HS3ST4: variants seen among roughly 807,000 people sequenced by gnomAD.
HS3ST4 encodes the protein heparan sulfate-glucosamine 3-sulfotransferase 4.
In HS3ST4, 17 loss-of-function variants were observed where a neutral mutation model predicts 29.2. The observed-to-expected ratio is 0.58, with a 90% CI of 0.40 to 0.87. The LOEUF is 0.87. Among genes scored for constraint, HS3ST4 ranks in the 40% least tolerant of loss-of-function variants. The pLI, the probability that HS3ST4 is intolerant of heterozygous loss-of-function variation, is 0.00. For missense variants in HS3ST4, 627 were observed against 634.5 expected, an observed-to-expected ratio of 0.99 and a Z score of 0.13; for synonymous variants, 314 against 285.7, an observed-to-expected ratio of 1.10 and a Z score of -1.00.
At chr16:25,846,046 A>T (rs1226142938) in intron 1 of HS3ST4, among the ~76,000 whole-genome samples, 1 of 152,206 alleles carries the variant, frequency 6.6e-6, no homozygotes, top group Non-Finnish European at 1.5e-5. Flanking sequence ...TTTCTTCCAC[A>T]ATGAGAAGCC....
chr16:26,097,179 G>A (rs181538279), intron 1 of HS3ST4, among the ~76,000 whole-genome samples: 87 of 152,236 alleles, frequency 5.7e-4, no homozygotes, highest in African/African-American at 2.0e-3. Flanking sequence ...TATAGATTCA[G>A]TGCCATCCCC....
At chr16:25,983,500 G>A (rs1969030021) in intron 1 of HS3ST4, among the ~76,000 whole-genome samples, 1 of 152,088 alleles carries the variant, frequency 6.6e-6, no homozygotes, top group Non-Finnish European at 1.5e-5. Flanking sequence ...TCCTTTTGTA[G>A]CAACCCCATC....
At chr16:25,862,613 T>G (rs1352792563) in intron 1 of HS3ST4, among the ~76,000 whole-genome samples, 1 of 152,252 alleles carries the variant, frequency 6.6e-6, no homozygotes. Flanking sequence ...AAACAGTTAT[T>G]GGTCCCTGGC....
At chr16:25,762,876 C>A (rs1444315616) in intron 1 of HS3ST4, among the ~76,000 whole-genome samples, 89 of 60,452 alleles carry the variant, frequency 1.5e-3, no homozygotes, top group South Asian at 3.6e-3. Context: ...GACCCTGTCT[C>A]AAAAAAAAAA....
In HS3ST4 at chr16:25,744,753, A is replaced by G. The variant is rs146862916; in HGVS notation, c.734+51602A>G. On this transcript the variant is annotated intron_variant, in intron 1 of 1. Coordinates refer to ENST00000331351, the MANE Select transcript of HS3ST4 (RefSeq NM_006040.3). The stretch of plus-strand genomic sequence containing the variant: ...AGGTCTTTCCCATACTGTTCTTGTG[A>G]TAGTGAATAAGTCTCATGAGATCTG... Among the ~76,000 whole-genome samples the G allele has an allele frequency of 5.1e-4, 77 of 152,272 alleles. 1 individual carries two copies. The East Asian group carries it at 0.012, about 24-fold the overall frequency.
intron 1 of HS3ST4, among the ~76,000 whole-genome samples, chr16:25,873,488 A>T (rs151139613): frequency 9.5e-6 from 1 of 104,950 alleles, no homozygotes; most frequent in Non-Finnish European, 2.0e-5. Flanking sequence ...CTCTCTATCT[A>T]TCTATCTATC....
chr16:25,789,473 T>C (rs1259832917), intron 1 of HS3ST4, among the ~76,000 whole-genome samples: 1 of 147,470 alleles, frequency 6.8e-6, no homozygotes, highest in African/African-American at 2.6e-5. Flanking sequence ...CTTCCTTCTT[T>C]CTTTCTTTCT....
chr16:26,040,046 A>G (rs1416616278), intron 1 of HS3ST4, among the ~76,000 whole-genome samples: 1 of 152,186 alleles, frequency 6.6e-6, no homozygotes, highest in African/African-American at 2.4e-5. Context: ...TAATCTACCA[A>G]TTTGCCCTCT....
intron 1 of HS3ST4, among the ~76,000 whole-genome samples, chr16:25,765,318 A>G (rs372993978): frequency 2.0e-5 from 3 of 152,018 alleles, no homozygotes; most frequent in Non-Finnish European, 4.4e-5. Context: ...AAATGCGGAG[A>G]CGCCGCTGGG....
intron 1 of HS3ST4, among the ~76,000 whole-genome samples, chr16:26,102,668 G>A (rs1373867974): frequency 6.6e-6 from 1 of 152,150 alleles, no homozygotes; most frequent in African/African-American, 2.4e-5. Context: ...CTTGTATAAT[G>A]TTACGTGATT....
At chr16:25,905,356 G>T (rs1050395748) in intron 1 of HS3ST4, among the ~76,000 whole-genome samples, 4 of 152,192 alleles carry the variant, frequency 2.6e-5, no homozygotes. Flanking sequence ...GGTGGGGCAG[G>T]TGTTAAACAG....
chr16:25,967,841 G>A (rs1968858678), intron 1 of HS3ST4, among the ~76,000 whole-genome samples: 1 of 152,158 alleles, frequency 6.6e-6, no homozygotes, highest in Admixed American at 6.5e-5. Context: ...GTGGGTGGGA[G>A]AGGAATTGGA....
chr16:25,873,467 CATCCATCTATCTCTCTATCTATCT>C (rs1163973236), intron 1 of HS3ST4, among the ~76,000 whole-genome samples: 4 of 104,146 alleles, frequency 3.8e-5, no homozygotes, highest in African/African-American at 1.6e-4. Flanking sequence ...TTTACCCACC[CATCCATCTATCTCTCTATCTATCT>C]ATCTATCTAT....
intron 1 of HS3ST4, among the ~76,000 whole-genome samples, chr16:25,856,574 G>T (rs1475423001): frequency 6.6e-6 from 1 of 152,072 alleles, no homozygotes; most frequent in Non-Finnish European, 1.5e-5. Context: ...TTGACTTCCT[G>T]GGCCACAATG....
chr16:26,005,093 T>C (rs1466027020), intron 1 of HS3ST4, among the ~76,000 whole-genome samples: 1 of 152,178 alleles, frequency 6.6e-6, no homozygotes, highest in African/African-American at 2.4e-5. Context: ...TTCTCATATA[T>C]GTGTGCACTT....
At chr16:26,031,381 G>A (rs375865049) in intron 1 of HS3ST4, among the ~76,000 whole-genome samples, 3 of 152,132 alleles carry the variant, frequency 2.0e-5, no homozygotes, top group African/African-American at 4.8e-5. Context: ...CGAGGCTCCC[G>A]AATCTGACTC....
intron 1 of HS3ST4, among the ~76,000 whole-genome samples, chr16:25,871,178 G>A (rs1320513813): frequency 6.6e-6 from 1 of 152,158 alleles, no homozygotes; most frequent in East Asian, 1.9e-4. Context: ...TGATGGAGGT[G>A]GCAGGGACAG....
chr16:25,695,136 A>C (rs2141577934), intron 1 of HS3ST4, among the ~76,000 whole-genome samples: 1 of 152,258 alleles, frequency 6.6e-6, no homozygotes, highest in Admixed American at 6.5e-5. Context: ...TCTACTCCCA[A>C]CCAATGCTTG....
In HS3ST4 at chr16:25,873,654, GTCCGTCCATC is replaced by G. The variant is rs1967793311; in HGVS notation, c.734+180504_734+180513del. ...CATCCATTCATCCATCCATCCATCC[GTCCGTCCATC>G]CATCCATCCATCCATCCATCCATCC... On this transcript the variant is annotated intron_variant, in intron 1 of 1. Transcript: ENST00000331351. 2.1e-4 allele frequency among the ~76,000 whole-genome samples: 7 copies of G among 32,980 alleles called. No homozygotes were observed. The South Asian group carries it at 0.013, about 59-fold the overall frequency. 21.6% of individuals were successfully genotyped at this position (32,980 alleles called of 152,430 possible).
Sources: gnomAD v4.1 joint callset for allele counts (sites outside exome capture counted in the v4.1 genomes callset) on GRCh38, gnomAD v4.1.1 for gene constraint, MANE v1.5 for transcripts, NCBI Gene and HGNC (gene_info 2026-07-23, HGNC 2026-07-21) for gene names.